The following UPP2 variants were observed in gnomAD, a reference collection of about 807,000 sequenced individuals.
UPP2 encodes the protein uridine phosphorylase 2.
UPP2 carries 23 observed loss-of-function variants against 26.7 expected under a neutral mutation model. The observed-to-expected ratio is 0.86, with a 90% CI of 0.62 to 1.22. UPP2 has a LOEUF of 1.22. Ranked by LOEUF, UPP2 falls within the 50% of genes most tolerant of loss-of-function variation. The pLI, the probability that UPP2 is intolerant of heterozygous loss-of-function variation, is 0.00. For synonymous variants in UPP2, 127 were observed against 141.3 expected (o/e 0.90, Z 0.72); for missense variants, 387 against 396.7 (o/e 0.98, Z 0.21).
intron 3 of UPP2, among the ~76,000 whole-genome samples, chr2:158,032,491 G>T (rs1186250267): frequency 6.6e-6 from 1 of 152,126 alleles, no homozygotes; most frequent in African/African-American, 2.4e-5. Flanking sequence ...CTAAGGAAGT[G>T]TATGACATAG....
intron 3 of UPP2, among the ~76,000 whole-genome samples, chr2:158,089,713 C>G (rs537753019): frequency 4.6e-5 from 7 of 152,334 alleles, no homozygotes; most frequent in African/African-American, 1.7e-4. Context: ...TCACTTGACT[C>G]TCTAAATTCA....
At chr2:158,112,072 C>A (rs989718394) in intron 2 of UPP2, among the ~76,000 whole-genome samples, 1 of 152,188 alleles carries the variant, frequency 6.6e-6, no homozygotes, top group East Asian at 1.9e-4. Context: ...CATTAAAATT[C>A]CAGTTGCCTA....
intron 3 of UPP2, among the ~76,000 whole-genome samples, chr2:158,055,079 G>T (rs1288347876): frequency 6.6e-6 from 1 of 152,164 alleles, no homozygotes; most frequent in African/African-American, 2.4e-5. Context: ...CCCAAACTGG[G>T]TAACTTATGA....
chr2:158,124,808 T>C, intron 6 of UPP2, among the ~76,000 whole-genome samples: 1 of 152,132 alleles, frequency 6.6e-6, no homozygotes, highest in East Asian at 1.9e-4. Context: ...ACTGGAAGCA[T>C]GAGGTTGCCA....
At chr2:158,034,485 T>G (rs1184969028) in intron 3 of UPP2, among the ~76,000 whole-genome samples, 1 of 152,052 alleles carries the variant, frequency 6.6e-6, no homozygotes. Context: ...GATAATGGAG[T>G]GTGCTCTTTT....
intron 3 of UPP2, among the ~76,000 whole-genome samples, chr2:158,027,404 G>A (rs188006945): frequency 1.1e-4 from 16 of 152,260 alleles, no homozygotes; most frequent in South Asian, 4.1e-4. Flanking sequence ...ATTTTAAAGC[G>A]CCAAAATGAT....
At chr2:158,033,672 G>T (rs536352153) in intron 3 of UPP2, among the ~76,000 whole-genome samples, 3 of 152,118 alleles carry the variant, frequency 2.0e-5, no homozygotes, top group African/African-American at 2.4e-5. Context: ...CCTGCAGGCA[G>T]CTGTCCAACA....
intron 3 of UPP2, among the ~76,000 whole-genome samples, chr2:158,061,071 T>C (rs1364283715): frequency 6.6e-6 from 1 of 152,218 alleles, no homozygotes; most frequent in South Asian, 2.1e-4. Context: ...ATCTTAATAG[T>C]AAAGCTAAGG....
At chr2:158,085,716 T>C (rs986563836) in intron 3 of UPP2, among the ~76,000 whole-genome samples, 5 of 152,158 alleles carry the variant, frequency 3.3e-5, no homozygotes, top group African/African-American at 1.2e-4. Flanking sequence ...CATAAAGGGA[T>C]GCTGGATTTT....
chr2:158,101,703 G>A (rs190454004), upstream of UPP2, among the ~76,000 whole-genome samples: 126 of 152,222 alleles, frequency 8.3e-4, no homozygotes, highest in African/African-American at 3.0e-3. Flanking sequence ...ACCTGTGTTG[G>A]GATCAAGGAC....
At chr2:157,998,480 G>A (rs1683357005) in intron 2 of UPP2, among the ~76,000 whole-genome samples, 1 of 152,148 alleles carries the variant, frequency 6.6e-6, no homozygotes, top group Admixed American at 6.6e-5. Context: ...GATGTGCCTT[G>A]ATGTGTGTCT....
chr2:158,049,785 G>A (rs1682118616), intron 3 of UPP2, among the ~76,000 whole-genome samples: 1 of 152,126 alleles, frequency 6.6e-6, no homozygotes, highest in African/African-American at 2.4e-5. Flanking sequence ...GTGAACTGGG[G>A]AATATTACCT....
chr2:158,083,033 G>A (rs896323602), intron 3 of UPP2, among the ~76,000 whole-genome samples: 3 of 152,138 alleles, frequency 2.0e-5, no homozygotes, highest in Non-Finnish European at 2.9e-5. Flanking sequence ...TTAGAATGGC[G>A]ATTATTAAAA....
At chr2:158,106,030 A>C in intron 1 of UPP2, 69 bp from the exon 2 acceptor site, 2 of 1,206,624 alleles carry the variant, frequency 1.7e-6, no homozygotes, top group Non-Finnish European at 2.3e-6. Flanking sequence ...GTTTATGTTC[A>C]GACTTTCTTT....
At position 158,101,900 on chromosome 2, in the gene UPP2, G is replaced by C; in HGVS notation, c.-164G>C. 1 of 1,353,892 alleles carries C rather than the reference G, an allele frequency of 7.4e-7. No individual in the cohort carries two copies. Among genetic ancestry groups the C allele is most frequent in the Non-Finnish European group, 9.5e-7 (1 of 1,055,926 alleles). The allele number at this position is 1,353,892 out of a possible 1,614,324, so 83.9% of individuals were successfully genotyped here. A position where few individuals can be genotyped will look rare whatever the true frequency, so the allele number is the denominator to read the frequency against. On this transcript the variant is annotated 5_prime_UTR_variant, in exon 1 of 7. Coordinates refer to ENST00000005756, the MANE Select transcript of UPP2 (RefSeq NM_173355.4). ...GATAGGAAAATTTAAAATGCTAAAGGAAAAATTTTCTTAGCAATTTCACAG... is the reference window on the plus strand; with the variant it reads ...GATAGGAAAATTTAAAATGCTAAAGCAAAAATTTTCTTAGCAATTTCACAG...
chr2:158,045,266 T>C (rs1684136760), intron 3 of UPP2, among the ~76,000 whole-genome samples: 1 of 152,196 alleles, frequency 6.6e-6, no homozygotes, highest in African/African-American at 2.4e-5. Context: ...CTATCTAATA[T>C]GGCTTAGTCA....
intron 2 of UPP2, among the ~76,000 whole-genome samples, chr2:158,106,679 A>G (rs2105215119): frequency 6.6e-6 from 1 of 152,320 alleles, no homozygotes; most frequent in African/African-American, 2.4e-5. Flanking sequence ...ATTTTGTTTC[A>G]TAAGAAATAT....
intron 3 of UPP2, among the ~76,000 whole-genome samples, chr2:158,040,897 G>A (rs1218885191): frequency 6.6e-6 from 1 of 152,168 alleles, no homozygotes; most frequent in Admixed American, 6.5e-5. Context: ...GTTAGTCATT[G>A]AACCTGCTAG....
At chr2:158,055,477 A>AT (rs35194717) in intron 3 of UPP2, among the ~76,000 whole-genome samples, 14 of 151,514 alleles carry the variant, frequency 9.2e-5, no homozygotes, top group South Asian at 2.1e-4. Flanking sequence ...ATAATACAGT[A>AT]TTTTTTTTTG....
Sources: allele counts gnomAD v4.1 joint callset (sites outside exome capture counted in the v4.1 genomes callset), GRCh38; gene constraint gnomAD v4.1.1; transcripts MANE v1.5; gene names NCBI Gene and HGNC (gene_info 2026-07-23, HGNC 2026-07-21).